The following TSPEAR variants were observed in gnomAD, a reference collection of about 807,000 sequenced individuals.
TSPEAR encodes the protein thrombospondin-type laminin G domain and EAR repeat-containing protein.
A neutral mutation model predicts 71.6 loss-of-function variants in TSPEAR; 69 were observed. The observed-to-expected ratio is 0.96, with a 90% CI of 0.79 to 1.18. TSPEAR has a LOEUF of 1.18. TSPEAR is among the 50% of genes most tolerant of loss of function. The pLI is 0.00. For missense variants in TSPEAR, 971 were observed against 894.9 expected, an observed-to-expected ratio of 1.09 and a Z score of -1.09; for synonymous variants, 402 against 387.2, an observed-to-expected ratio of 1.04 and a Z score of -0.45.
Position 44,695,853 on chromosome 21 carries a change from C to T in TSPEAR, c.82+15580G>A, listed in dbSNP as rs370689570. 7.9e-5 allele frequency among the ~76,000 whole-genome samples: 12 copies of T among 152,222 alleles called. No homozygotes were observed. The highest frequency in any genetic ancestry group is 2.9e-4 in the African/African-American group (12 of 41,530). ...CTTTTCACTTCAAGGGGCCCATCCACCACACACCTCGAGCCCTCACCTGCT... is the reference window on the plus strand; with the variant it reads ...CTTTTCACTTCAAGGGGCCCATCCATCACACACCTCGAGCCCTCACCTGCT... On this transcript the variant is annotated intron_variant, in intron 1 of 11. Transcript: ENST00000323084. This position sits in a 1 kb window ranked among gnomAD's most constrained non-coding sequence, Gnocchi z 4.5.
intron 2 of TSPEAR, among the ~76,000 whole-genome samples, chr21:44,551,860 C>A (rs2053447109): frequency 6.6e-6 from 1 of 152,152 alleles, no homozygotes; most frequent in South Asian, 2.1e-4. Flanking sequence ...GAGGCCCAGC[C>A]TCTGTCTGCA....
intron 1 of TSPEAR, chr21:44,601,867 G>A (rs1012937136): frequency 1.6e-6 from 2 of 1,252,652 alleles, no homozygotes; most frequent in Non-Finnish European, 2.2e-6. Context: ...TGGCCATCCA[G>A]TGTGCGCTTC....
chr21:44,531,053 C>A lies in TSPEAR; in HGVS notation c.623G>T (p.Gly208Val), dbSNP rs200994878. 2.2e-5 allele frequency: 36 copies of A among 1,613,566 alleles called. 1 individual carries two copies. The highest frequency in any genetic ancestry group is 1.7e-4 in the Middle Eastern group (1 of 6,058). Residue 208 changes from glycine to valine, a missense_variant, in exon 4 of 12, where the codon GGC becomes GTC. By Grantham distance (109) the Gly-to-Val change is moderately radical. Coordinates refer to ENST00000323084, the MANE Select transcript of TSPEAR (RefSeq NM_144991.3). Reference protein sequence around the residue: ...FFVGSRRRAKGLFMGLVRQLV... With the variant: ...FFVGSRRRAKVLFMGLVRQLV... ...CCCCTCCATACTCGCCATGAACAGG[C>A]CTTTGGCTCTCCTCCGGCTGCCGAC...
At chr21:44,545,761 T>C (rs587705650) in intron 2 of TSPEAR, among the ~76,000 whole-genome samples, 1 of 152,036 alleles carries the variant, frequency 6.6e-6, no homozygotes, top group South Asian at 2.1e-4. Flanking sequence ...GTGAAAGCAG[T>C]ATGTAGAGGG....
At chr21:44,503,124 C>CG (rs1261691481) in intron 11 of TSPEAR, among the ~76,000 whole-genome samples, 2 of 132,160 alleles carry the variant, frequency 1.5e-5, no homozygotes, top group Admixed American at 7.6e-5. Flanking sequence ...GGTGAGTCCT[C>CG]GGGGGGAAGC....
At chr21:44,550,637 A>G (rs200050091) in intron 2 of TSPEAR, 1 of 1,596,324 alleles carries the variant, frequency 6.3e-7, no homozygotes. Flanking sequence ...GGGAGGTCCA[A>G]GGACTGGCAG....
chr21:44,622,295 C>T (rs782113087), intron 1 of TSPEAR, among the ~76,000 whole-genome samples: 22 of 152,316 alleles, frequency 1.4e-4, no homozygotes, highest in East Asian at 9.6e-4. Context: ...TTTTTGCTTA[C>T]GCAAGGAATC....
chr21:44,665,180 G>T (rs931680690), intron 1 of TSPEAR, among the ~76,000 whole-genome samples: 4 of 152,154 alleles, frequency 2.6e-5, no homozygotes, highest in Non-Finnish European at 4.4e-5. Context: ...TACACAATAG[G>T]TCCCTGACCA....
intron 2 of TSPEAR, among the ~76,000 whole-genome samples, chr21:44,567,389 A>C (rs991584875): frequency 1.3e-5 from 2 of 152,240 alleles, no homozygotes; most frequent in African/African-American, 4.8e-5. Flanking sequence ...CACCTTCCAA[A>C]CTAGTAGGCA....
chr21:44,513,895 A>C (rs1205224810), intron 9 of TSPEAR, among the ~76,000 whole-genome samples: 1 of 152,116 alleles, frequency 6.6e-6, no homozygotes, highest in African/African-American at 2.4e-5. Flanking sequence ...AGGCTGGACA[A>C]GCATCCCGGG....
In TSPEAR at chr21:44,711,207, A is replaced by AG. The variant is rs1988202076; in HGVS notation, c.82+225_82+226insC. On this transcript the variant is annotated intron_variant, in intron 1 of 11. Coordinates refer to ENST00000323084, the MANE Select transcript of TSPEAR (RefSeq NM_144991.3). The surrounding 1 kb of genome is among the most constrained non-coding windows in gnomAD (Gnocchi z 4.5). ...CTCGTCCCCACCCTGCGTGCGTTCT[A>AG]AAGAGCCGCGTTTCTATTGCAACTG... is the stretch of plus-strand genomic sequence containing the variant. Among the ~76,000 whole-genome samples the AG allele has an allele frequency of 1.3e-5, 2 of 151,486 alleles. No homozygotes were observed. The highest frequency in any genetic ancestry group is 4.8e-5 in the African/African-American group (2 of 41,242).
At chr21:44,560,438 T>G (rs2053615907) in intron 2 of TSPEAR, among the ~76,000 whole-genome samples, 1 of 152,118 alleles carries the variant, frequency 6.6e-6, no homozygotes, top group African/African-American at 2.4e-5. Context: ...GACAGAAAAT[T>G]AACAAGGATA....
chr21:44,552,156 C>T (rs2053452345), intron 2 of TSPEAR, among the ~76,000 whole-genome samples: 1 of 152,134 alleles, frequency 6.6e-6, no homozygotes, highest in South Asian at 2.1e-4. Flanking sequence ...GTCAGGTGTC[C>T]TGAGAGTGGT....
chr21:44,646,487 C>A lies in TSPEAR; in HGVS notation c.82+64946G>T. ...GCCGCGTCCACCATGTCTGTCTGCT[C>A]CAGCGCTTACTCCGACTCCTGGCAG... is the stretch of plus-strand genomic sequence containing the variant. On this transcript the variant is annotated intron_variant, in intron 1 of 11. Coordinates refer to ENST00000323084, the MANE Select transcript of TSPEAR (RefSeq NM_144991.3). 1 of 1,613,024 alleles carries A rather than the reference C, an allele frequency of 6.2e-7. No individual in the cohort carries two copies. Among genetic ancestry groups the A allele is most frequent in the Non-Finnish European group, 8.5e-7 (1 of 1,179,882 alleles).
chr21:44,581,366 T>C (rs1978959209), intron 1 of TSPEAR, among the ~76,000 whole-genome samples: 1 of 152,250 alleles, frequency 6.6e-6, no homozygotes, highest in South Asian at 2.1e-4. Context: ...ACTTATATGA[T>C]AGTTTAGCTG....
chr21:44,529,152 T>C (rs916149784), intron 5 of TSPEAR, among the ~76,000 whole-genome samples: 1 of 152,174 alleles, frequency 6.6e-6, no homozygotes, highest in Non-Finnish European at 1.5e-5. Context: ...TGGTAACCGC[T>C]AACCCTGAGG....
chr21:44,559,227 C>T (rs587674189), intron 2 of TSPEAR, among the ~76,000 whole-genome samples: 6 of 151,758 alleles, frequency 4.0e-5, no homozygotes, highest in East Asian at 3.9e-4. Context: ...TTTGAAGATG[C>T]TCAGTTGGCC....
intron 1 of TSPEAR, among the ~76,000 whole-genome samples, chr21:44,664,937 A>AT (rs1373208852): frequency 6.6e-6 from 1 of 152,104 alleles, no homozygotes; most frequent in Non-Finnish European, 1.5e-5. Flanking sequence ...CTCCAGAAGC[A>AT]TTTTTTGGTT....
At chr21:44,639,287 A>G (rs1166378851) in intron 1 of TSPEAR, among the ~76,000 whole-genome samples, 5 of 152,120 alleles carry the variant, frequency 3.3e-5, no homozygotes, top group African/African-American at 4.8e-5. Context: ...AAGTGGCACA[A>G]GCTGCTGCAC....
Sources: allele counts gnomAD v4.1 joint callset (sites outside exome capture counted in the v4.1 genomes callset), GRCh38; gene constraint gnomAD v4.1.1; non-coding constraint Gnocchi (gnomAD v3.1); transcripts MANE v1.5; gene names NCBI Gene and HGNC (gene_info 2026-07-23, HGNC 2026-07-21).